C2CD3: variants seen among roughly 807,000 people sequenced by gnomAD.
C2CD3 encodes C2 domain-containing protein 3.
C2CD3 carries 148 observed loss-of-function variants against 234.0 expected under a neutral mutation model. That is an observed-to-expected ratio of 0.63 (90% CI 0.55 to 0.72). C2CD3 has a LOEUF of 0.72. Among genes scored for constraint, C2CD3 ranks in the 30% least tolerant of loss-of-function variants. The pLI is 0.00. For synonymous variants in C2CD3, 1,000 were observed against 1,035.4 expected (o/e 0.97, Z 0.66); for missense variants, 2,577 against 2,811.5 (o/e 0.92, Z 1.89).
rs568164653 is a variant in C2CD3 at position 74,052,259 on chromosome 11, TA to T, written c.5155+2347del. Among the ~76,000 whole-genome samples, 238 of 152,352 alleles carry T rather than the reference TA, an allele frequency of 1.6e-3. 1 individual carries two copies. Among genetic ancestry groups the T allele is most frequent in the Non-Finnish European group, 2.5e-3 (171 of 68,032 alleles). On this transcript the variant is annotated intron_variant, in intron 26 of 32. Transcript: ENST00000334126. ...CTACACTCCAATAGTCCTAGCATAG[TA>T]CCTGACACATAGTAGACATAATAAT...
intron 7 of C2CD3, among the ~76,000 whole-genome samples, chr11:74,125,403 A>C (rs776059919): frequency 9.9e-5 from 15 of 152,116 alleles, no homozygotes; most frequent in Non-Finnish European, 2.1e-4. Flanking sequence ...ACGATCTGAC[A>C]TAGCCTCCCA....
At chr11:74,150,492 C>CAAAAAAAAAAAAAAAAAAA (rs769668218) in intron 3 of C2CD3, among the ~76,000 whole-genome samples, 1 of 16,232 alleles carries the variant, frequency 6.2e-5, no homozygotes, top group African/African-American at 2.6e-4. Context: ...GACCCTGTCT[C>CAAAAAAAAAAAAAAAAAAA]AAAAAAAAAA....
At chr11:74,076,304 C>G (rs957674348) in intron 23 of C2CD3, among the ~76,000 whole-genome samples, 1 of 152,184 alleles carries the variant, frequency 6.6e-6, no homozygotes, top group African/African-American at 2.4e-5. Flanking sequence ...GCCTGGCCCA[C>G]CCACTCAACA....
intron 15 of C2CD3, among the ~76,000 whole-genome samples, 187 bp from the exon 16 acceptor site, chr11:74,098,442 C>A (rs1249650004): frequency 6.6e-6 from 1 of 152,178 alleles, no homozygotes; most frequent in Non-Finnish European, 1.5e-5. Context: ...CAGAGAAGTT[C>A]AAAATGTAGC....
In C2CD3 at chr11:74,103,541, A is replaced by C; in HGVS notation, c.2170T>G (p.Cys724Gly). ...LSGNTHYTPLCAPTSPNKALP... is the reference protein window; with the variant it reads ...LSGNTHYTPLGAPTSPNKALP... ...GCCTTATTTGGACTTGTAGGAGCAC[A>C]AAGTGGGGTATAATGGGTGTTGCCA... is the stretch of plus-strand genomic sequence containing the variant. Residue 724 changes from cysteine (C) to glycine (G), a missense_variant, in exon 14 of 33, where the codon TGT becomes GGT. Coordinates refer to ENST00000334126, the MANE Select transcript of C2CD3 (RefSeq NM_001286577.2). The C allele has an allele frequency of 6.2e-7, 1 of 1,614,090 alleles. No individual in the cohort carries two copies. Among genetic ancestry groups the C allele is most frequent in the East Asian group, 2.2e-5 (1 of 44,886 alleles).
rs774910513 is a variant in C2CD3 at position 74,138,741 on chromosome 11, G to A, written c.934C>T (p.Pro312Ser). ...ATACCTGAAAGAAGATCCTTGGTAGGGAGGTTGTTTGAAGAAAGAATGCAT... is the reference window on the plus strand; with the variant it reads ...ATACCTGAAAGAAGATCCTTGGTAGAGAGGTTGTTTGAAGAAAGAATGCAT... ...DSCILSSNNL[P>S]TKDLLSALLE... The change falls in exon 5 of 33, where the codon CCT becomes TCT. Residue 312 changes from proline (P) to serine (S), a missense_variant. Coordinates refer to ENST00000334126, the MANE Select transcript of C2CD3 (RefSeq NM_001286577.2). 6 of 1,612,736 alleles carry A rather than the reference G, an allele frequency of 3.7e-6. No homozygotes were observed. In the South Asian group the frequency reaches 6.6e-5, roughly 18 times the overall value.
intron 3 of C2CD3, among the ~76,000 whole-genome samples, chr11:74,156,692 G>A (rs997040153): frequency 3.3e-5 from 5 of 152,110 alleles, no homozygotes; most frequent in Non-Finnish European, 5.9e-5. Context: ...CCCTGTGGCC[G>A]GGCACAGTGG....
At chr11:74,048,708 C>T (rs954495895) in intron 27 of C2CD3, among the ~76,000 whole-genome samples, 1 of 152,118 alleles carries the variant, frequency 6.6e-6, no homozygotes, top group Admixed American at 6.5e-5. Context: ...AGGGTTGGGC[C>T]GAAGAAATGA....
At chr11:74,164,407 C>T (rs1856674323) in intron 2 of C2CD3, 2 of 176,336 alleles carry the variant, frequency 1.1e-5, no homozygotes, top group South Asian at 3.8e-4. Context: ...TCTCAGAATC[C>T]TATAATCCTT....
chr11:74,170,977 A>T lies in C2CD3; in HGVS notation c.-185T>A. ...GAAAACGGTGCGAAGAGAAGGCGCC[A>T]AGACGCCTTCCCTCCAATACACTAC... On this transcript the variant is annotated 5_prime_UTR_variant, in exon 1 of 33. Coordinates refer to ENST00000334126, the MANE Select transcript of C2CD3 (RefSeq NM_001286577.2). 2.2e-6 allele frequency: 3 copies of T among 1,360,658 alleles called. No homozygotes were observed. The highest frequency in any genetic ancestry group is 1.3e-5 in the South Asian group (1 of 75,530). The allele number at this position is 1,360,658 out of a possible 1,614,324, so 84.3% of individuals were successfully genotyped here.
chr11:74,073,909 A>C (rs982408023), intron 24 of C2CD3, among the ~76,000 whole-genome samples: 1 of 152,218 alleles, frequency 6.6e-6, no homozygotes, highest in African/African-American at 2.4e-5. Flanking sequence ...AATGTTAAAA[A>C]CACCTGGCCC....
At chr11:74,126,345 T>C (rs1007961695) in intron 7 of C2CD3, among the ~76,000 whole-genome samples, 1 of 152,216 alleles carries the variant, frequency 6.6e-6, no homozygotes, top group Non-Finnish European at 1.5e-5. Flanking sequence ...ATTATGTGTC[T>C]TGGTGTATCT....
At chr11:74,134,810 C>T (rs1590905363) in intron 5 of C2CD3, among the ~76,000 whole-genome samples, 2 of 152,128 alleles carry the variant, frequency 1.3e-5, no homozygotes, top group Non-Finnish European at 2.9e-5. Context: ...GCTACAGCCT[C>T]GAACTTCCAG....
intron 6 of C2CD3, 96 bp downstream of exon 6, chr11:74,133,329 A>G (rs373658177): frequency 2.8e-6 from 3 of 1,077,232 alleles, no homozygotes; most frequent in East Asian, 2.5e-5. Flanking sequence ...TTTGATAAGC[A>G]TTTCCAAGAT....
chr11:74,047,064 A>T (rs1314690582), intron 28 of C2CD3, among the ~76,000 whole-genome samples: 1 of 152,238 alleles, frequency 6.6e-6, no homozygotes, highest in Non-Finnish European at 1.5e-5. Flanking sequence ...TAAAGTAATT[A>T]GCCTCAGGTC....
At chr11:74,096,053 A>G (rs1956093455) in intron 16 of C2CD3, among the ~76,000 whole-genome samples, 1 of 152,182 alleles carries the variant, frequency 6.6e-6, no homozygotes, top group South Asian at 2.1e-4. Context: ...TAGTGAAGAC[A>G]CTGTTACTAA....
intron 24 of C2CD3, among the ~76,000 whole-genome samples, chr11:74,067,073 G>T (rs1214537678): frequency 6.6e-6 from 1 of 152,144 alleles, no homozygotes; most frequent in Non-Finnish European, 1.5e-5. Context: ...CCAAATATTG[G>T]TTAAAAAATT....
chr11:74,034,747 A>C, intron 30 of C2CD3: 1 of 755,082 alleles, frequency 1.3e-6, no homozygotes. Flanking sequence ...TTACACAGAA[A>C]ATAGAAGCAG....
chr11:74,134,179 C>T (rs1391595069), intron 5 of C2CD3, among the ~76,000 whole-genome samples: 1 of 152,228 alleles, frequency 6.6e-6, no homozygotes, highest in Non-Finnish European at 1.5e-5. Flanking sequence ...GAGATATGTA[C>T]TATGACTACT....
Sources: allele counts gnomAD v4.1 joint callset (sites outside exome capture counted in the v4.1 genomes callset), GRCh38; gene constraint gnomAD v4.1.1; transcripts MANE v1.5; gene names NCBI Gene and HGNC (gene_info 2026-07-23, HGNC 2026-07-21).